ZBTB20: variants seen among roughly 807,000 people sequenced by gnomAD.
The protein encoded by ZBTB20 is zinc finger and BTB domain containing 20, also known as zinc finger and BTB domain-containing protein 20.
A neutral mutation model predicts 56.9 loss-of-function variants in ZBTB20; 9 were observed. The observed-to-expected ratio is 0.16, with a 90% confidence interval of 0.10 to 0.28. The LOEUF (loss-of-function observed/expected upper bound fraction) is 0.28, where lower values mean the gene tolerates loss of function less well. Ranked by LOEUF, ZBTB20 falls within the 10% of genes least tolerant of loss-of-function variation. The pLI is 1.00. For missense variants in ZBTB20, 655 were observed against 1,003.0 expected (o/e 0.65, Z 4.69); for synonymous variants, 417 against 420.7 (o/e 0.99, Z 0.11).
intron 7 of ZBTB20, among the ~76,000 whole-genome samples, chr3:114,473,825 G>A (rs1316198200): frequency 6.6e-6 from 1 of 152,144 alleles, no homozygotes; most frequent in Non-Finnish European, 1.5e-5. Context: ...TATCTGATGA[G>A]GAATCTGAGA....
At chr3:115,065,023 C>T (rs1332411417) in intron 2 of ZBTB20, among the ~76,000 whole-genome samples, 1 of 152,064 alleles carries the variant, frequency 6.6e-6, no homozygotes, top group Non-Finnish European at 1.5e-5. Flanking sequence ...TAACAGTTTC[C>T]TCCCTATCAT....
At chr3:115,098,272 T>C (rs568792308) in intron 1 of ZBTB20, among the ~76,000 whole-genome samples, 125 of 152,114 alleles carry the variant, frequency 8.2e-4, no homozygotes, top group Non-Finnish European at 1.6e-3. Flanking sequence ...AATCAAGACA[T>C]AGATGAAAGA....
intron 5 of ZBTB20, among the ~76,000 whole-genome samples, chr3:114,718,830 G>A (rs1360492970): frequency 1.3e-5 from 2 of 151,780 alleles, no homozygotes; most frequent in Non-Finnish European, 2.9e-5. Flanking sequence ...CTTTTATCTA[G>A]ACTATAACAA....
chr3:114,681,724 C>A (rs1192265418), intron 6 of ZBTB20, among the ~76,000 whole-genome samples: 3 of 152,138 alleles, frequency 2.0e-5, no homozygotes, highest in East Asian at 1.9e-4. Context: ...TTTAATCCTA[C>A]AACAATCTTT....
chr3:114,640,018 T>C (rs1440794942), intron 6 of ZBTB20, among the ~76,000 whole-genome samples: 1 of 152,082 alleles, frequency 6.6e-6, no homozygotes, highest in Admixed American at 6.6e-5. Context: ...TTTAATTTTT[T>C]TTTATCAATT....
chr3:114,614,987 A>G (rs1416526593), intron 6 of ZBTB20, among the ~76,000 whole-genome samples: 1 of 152,034 alleles, frequency 6.6e-6, no homozygotes, highest in Non-Finnish European at 1.5e-5. Context: ...TGAACTCCTG[A>G]CCTCAGGTGA....
At chr3:114,749,414 G>A (rs527286970) in intron 5 of ZBTB20, among the ~76,000 whole-genome samples, 50 of 152,196 alleles carry the variant, frequency 3.3e-4, no homozygotes, top group Non-Finnish European at 5.7e-4. Context: ...GTAGCTGGGT[G>A]TGGCGGTGGA....
intron 1 of ZBTB20, among the ~76,000 whole-genome samples, chr3:115,122,921 C>A (rs1363291447): frequency 6.6e-6 from 1 of 152,088 alleles, no homozygotes; most frequent in Non-Finnish European, 1.5e-5. Flanking sequence ...GTCAAACACC[C>A]ATTCTTGAGG....
intron 7 of ZBTB20, among the ~76,000 whole-genome samples, chr3:114,413,938 A>T (rs1372789838): frequency 6.6e-6 from 1 of 152,170 alleles, no homozygotes; most frequent in Non-Finnish European, 1.5e-5. Context: ...ATGTATTAAC[A>T]GCTTAAGATG....
intron 6 of ZBTB20, among the ~76,000 whole-genome samples, chr3:114,544,407 TTCTTTC>T (rs1559937435): frequency 8.9e-4 from 2 of 2,248 alleles, no homozygotes; most frequent in Admixed American, 4.1e-3. Context: ...ACTAGATTTC[TTCTTTC>T]TTTCTTTCTT....
chr3:114,547,074 T>C (rs1315640925), intron 6 of ZBTB20, among the ~76,000 whole-genome samples: 2 of 152,198 alleles, frequency 1.3e-5, no homozygotes. Flanking sequence ...GCCAAAGCTC[T>C]TGTTCATTCC....
At chr3:115,132,303 T>C (rs1004065942) in intron 1 of ZBTB20, among the ~76,000 whole-genome samples, 2 of 152,142 alleles carry the variant, frequency 1.3e-5, no homozygotes, top group Non-Finnish European at 2.9e-5. Context: ...GAATAATATT[T>C]TCCCATTGGG....
intron 7 of ZBTB20, among the ~76,000 whole-genome samples, chr3:114,395,675 A>C (rs1000600556): frequency 6.6e-6 from 1 of 152,182 alleles, no homozygotes; most frequent in Non-Finnish European, 1.5e-5. Flanking sequence ...CACCATCGTC[A>C]GCTTACTGAT....
intron 4 of ZBTB20, among the ~76,000 whole-genome samples, chr3:114,827,294 A>T (rs1483372078): frequency 6.6e-6 from 1 of 151,584 alleles, no homozygotes; most frequent in Non-Finnish European, 1.5e-5. Flanking sequence ...GCTACCCCTG[A>T]CCTCGAATAT....
chr3:115,045,459 T>C (rs2081299197), intron 2 of ZBTB20, among the ~76,000 whole-genome samples: 2 of 152,040 alleles, frequency 1.3e-5, no homozygotes, highest in Non-Finnish European at 2.9e-5. Flanking sequence ...AAAAGTCATA[T>C]ATATTTAAAA....
At chr3:114,872,756 G>A (rs1297989929) in intron 4 of ZBTB20, among the ~76,000 whole-genome samples, 1 of 152,086 alleles carries the variant, frequency 6.6e-6, no homozygotes, top group East Asian at 1.9e-4. Flanking sequence ...TGCTCAGCTA[G>A]TAACTGCAAG....
intron 4 of ZBTB20, among the ~76,000 whole-genome samples, chr3:114,862,309 TA>T (rs1033241730): frequency 3.9e-5 from 6 of 152,100 alleles, no homozygotes; most frequent in Non-Finnish European, 8.8e-5. Context: ...ACACGGTAAA[TA>T]ATTTTTTTTA....
intron 6 of ZBTB20, among the ~76,000 whole-genome samples, chr3:114,552,432 T>C (rs772845420): frequency 7.2e-5 from 11 of 152,052 alleles, no homozygotes; most frequent in Non-Finnish European, 1.5e-4. Context: ...CTTCCTGTTT[T>C]TTTTTTTTTC....
intron 3 of ZBTB20, among the ~76,000 whole-genome samples, chr3:114,953,931 T>C (rs2077160723): frequency 6.6e-6 from 1 of 152,128 alleles, no homozygotes; most frequent in South Asian, 2.1e-4. Context: ...AGTAAGGTTT[T>C]TTGATATAGC....
Sources: allele counts gnomAD v4.1 joint callset (sites outside exome capture counted in the v4.1 genomes callset), GRCh38; gene constraint gnomAD v4.1.1; transcripts MANE v1.5; gene names NCBI Gene and HGNC (gene_info 2026-07-23, HGNC 2026-07-21).